The following GALNT9 variants were observed in gnomAD, a reference collection of about 807,000 sequenced individuals.
The protein encoded by GALNT9 is GalNAc transferase 9.
A neutral mutation model predicts 63.1 loss-of-function variants in GALNT9; 47 were observed. The observed-to-expected ratio is 0.75, with a 90% CI of 0.59 to 0.95. GALNT9 has a LOEUF of 0.95. Ranked by LOEUF, GALNT9 falls within the 40% of genes least tolerant of loss-of-function variation. The pLI is 0.00. For missense variants in GALNT9, 829 were observed against 874.8 expected (o/e 0.95, Z 0.66); for synonymous variants, 396 against 365.7 (o/e 1.08, Z -0.94).
Position 132,196,926 on chromosome 12 carries a change from T to G in GALNT9, c.*181A>C, listed in dbSNP as rs1220005428. On this transcript the variant is annotated 3_prime_UTR_variant, in exon 11 of 11. Coordinates refer to ENST00000328957, the MANE Select transcript of GALNT9 (RefSeq NM_001122636.2). The stretch of plus-strand genomic sequence containing the variant: ...CCGCCTGTCCTAGGAGAAGCTGTAC[T>G]CCAGATGCAGTGGGTGACACCCTGG... The G allele has an allele frequency of 4.9e-6, 7 of 1,436,496 alleles. No individual in the cohort carries two copies. In the Admixed American group the frequency reaches 1.7e-4, roughly 34 times the overall value. 89.0% of individuals were successfully genotyped at this position (1,436,496 alleles called of 1,614,324 possible).
In GALNT9 at chr12:132,204,328, G is replaced by A. The variant is rs998448678; in HGVS notation, c.1078-638C>T. The stretch of plus-strand genomic sequence containing the variant: ...CTCTTTCACTCCGGTTTGTCCCCCC[G>A]CGCTGTCCTGCCTGTGAGGGTTGGT... On this transcript the variant is annotated intron_variant, in intron 6 of 10. Coordinates refer to ENST00000328957, the MANE Select transcript of GALNT9 (RefSeq NM_001122636.2). Among the ~76,000 whole-genome samples, 23 of 152,198 alleles carry A rather than the reference G, an allele frequency of 1.5e-4. 1 individual carries two copies. The highest frequency in any genetic ancestry group is 4.8e-4 in the African/African-American group (20 of 41,516).
intron 6 of GALNT9, among the ~76,000 whole-genome samples, chr12:132,220,525 C>A (rs1037165832): frequency 2.6e-5 from 4 of 152,212 alleles, no homozygotes; most frequent in Non-Finnish European, 4.4e-5. Context: ...AAGATGCAGT[C>A]AGTAACTTGA....
intron 5 of GALNT9, among the ~76,000 whole-genome samples, chr12:132,255,404 T>G (rs1555238954): frequency 6.6e-6 from 1 of 152,246 alleles, no homozygotes; most frequent in Non-Finnish European, 1.5e-5. Flanking sequence ...AGACTTCCCT[T>G]TCTTTTGGAG....
chr12:132,251,920 G>A (rs892105260), intron 5 of GALNT9, among the ~76,000 whole-genome samples: 4 of 152,064 alleles, frequency 2.6e-5, no homozygotes, highest in Non-Finnish European at 5.9e-5. Context: ...TGAACCAGCA[G>A]CCCCGATGAG....
At chr12:132,278,971 A>G (rs1191389351) in intron 2 of GALNT9, 1 of 146,420 alleles carries the variant, frequency 6.8e-6, no homozygotes, top group Admixed American at 6.6e-5. Flanking sequence ...CTTCTGCCCC[A>G]TCACCCAGCC....
At chr12:132,210,319 C>T (rs1876898324) in intron 6 of GALNT9, among the ~76,000 whole-genome samples, 4 of 152,246 alleles carry the variant, frequency 2.6e-5, no homozygotes, top group East Asian at 1.9e-4. Context: ...GGCCTGCGGG[C>T]GAGGCCGTCC....
At chr12:132,240,714 G>A (rs1350707733) in intron 6 of GALNT9, 10 of 455,734 alleles carry the variant, frequency 2.2e-5, no homozygotes, top group African/African-American at 4.0e-5. Flanking sequence ...TATCTTGCTG[G>A]AACCCTTCTG....
chr12:132,252,165 C>T lies in GALNT9; in HGVS notation c.960-4138G>A, dbSNP rs112445777. On this transcript the variant is annotated intron_variant, in intron 5 of 10. Coordinates refer to ENST00000328957, the MANE Select transcript of GALNT9 (RefSeq NM_001122636.2). The surrounding 1 kb of genome is among the most constrained non-coding windows in gnomAD (Gnocchi z 5.2). The stretch of plus-strand genomic sequence containing the variant: ...CCTCCACAGGCCCAGGCAGTGAGGC[C>T]ACACTCCTGCCTAGGACTGTCCCAT... Among the ~76,000 whole-genome samples the T allele has an allele frequency of 5.1e-3, 782 of 152,288 alleles. 2 individuals carry two copies. The highest frequency in any genetic ancestry group is 0.017 in the African/African-American group (716 of 41,556).
chr12:132,210,891 G>C (rs1478451946), intron 6 of GALNT9, among the ~76,000 whole-genome samples: 1 of 151,488 alleles, frequency 6.6e-6, no homozygotes, highest in African/African-American at 2.4e-5. Context: ...CTGGGTGGTC[G>C]CTGTCTGGAG....
At chr12:132,228,532 C>A in intron 6 of GALNT9, among the ~76,000 whole-genome samples, 1 of 151,526 alleles carries the variant, frequency 6.6e-6, no homozygotes, top group South Asian at 2.1e-4. Context: ...ACCTCTTTGC[C>A]TCTGGCGAGA....
chr12:132,314,229 G>A (rs916334483), intron 1 of GALNT9, among the ~76,000 whole-genome samples: 5 of 100,296 alleles, frequency 5.0e-5, no homozygotes, highest in East Asian at 3.2e-4. Flanking sequence ...TCCACCCACC[G>A]ACCCATCCCT....
chr12:132,255,661 C>T (rs375953382), intron 5 of GALNT9, among the ~76,000 whole-genome samples: 4 of 152,338 alleles, frequency 2.6e-5, no homozygotes, highest in African/African-American at 7.2e-5. Context: ...TCTTTGAATC[C>T]GCCCATGGCC....
At position 132,286,245 on chromosome 12, in the gene GALNT9, C is replaced by T. The variant is rs1555242161; in HGVS notation, c.419+5G>A. 1.3e-6 allele frequency: 2 copies of T among 1,548,508 alleles called. No individual in the cohort carries two copies. The highest frequency in any genetic ancestry group is 2.4e-5 in the East Asian group (1 of 40,848). On this transcript the variant is annotated splice_donor_5th_base_variant and intron_variant, in intron 2 of 10. Transcript: ENST00000328957. This position sits in a 1 kb window ranked among gnomAD's most constrained non-coding sequence, Gnocchi z 7.4. ...TCGGGGGATGGGGGGCAGTCACTCA[C>T]TCACTTTCTGGGCCGGTAGTCGGGG... is the stretch of plus-strand genomic sequence containing the variant.
At chr12:132,253,894 C>T (rs1466050887) in intron 5 of GALNT9, among the ~76,000 whole-genome samples, 4 of 152,194 alleles carry the variant, frequency 2.6e-5, no homozygotes, top group Non-Finnish European at 2.9e-5. Context: ...CAGCTGCTCC[C>T]CTCTGCCCTG....
chr12:132,243,774 A>G (rs2136905926), intron 6 of GALNT9, among the ~76,000 whole-genome samples: 11 of 152,074 alleles, frequency 7.2e-5, no homozygotes, highest in Admixed American at 4.6e-4. Flanking sequence ...TTCTGTCCCT[A>G]TGAAGGCCCT....
intron 6 of GALNT9, among the ~76,000 whole-genome samples, chr12:132,222,621 G>C (rs946269305): frequency 1.0e-3 from 157 of 152,064 alleles, no homozygotes; most frequent in African/African-American, 3.6e-3. Context: ...ACGATGCGTG[G>C]AGCACTCAGG....
chr12:132,294,943 A>G (rs1566016325), intron 1 of GALNT9, among the ~76,000 whole-genome samples: 2 of 152,204 alleles, frequency 1.3e-5, no homozygotes, highest in Non-Finnish European at 2.9e-5. Context: ...AATTCCTTCC[A>G]AGAGGCAGGA....
rs1400635031 is a variant in GALNT9, at chr12:132,282,422, CGT to C, written c.419+3826_419+3827del. Among the ~76,000 whole-genome samples, 3 of 151,056 alleles carry C rather than the reference CGT, an allele frequency of 2.0e-5. No individual in the cohort carries two copies. The highest frequency in any genetic ancestry group is 2.0e-4 in the East Asian group (1 of 5,052). Reference sequence around the variant, plus strand: ...GTGTGCGCGTGTGTGCGTGTGTGTGCGTGTGTGCGTGCATGCGTGTGTGTGCG... The same window carrying C: ...GTGTGCGCGTGTGTGCGTGTGTGTGCGTGTGCGTGCATGCGTGTGTGTGCG... On this transcript the variant is annotated intron_variant, in intron 2 of 10. Transcript: ENST00000328957. This position sits in a 1 kb window ranked among gnomAD's most constrained non-coding sequence, Gnocchi z 4.5.
At chr12:132,295,069 A>T (rs574019697) in intron 1 of GALNT9, among the ~76,000 whole-genome samples, 1 of 152,346 alleles carries the variant, frequency 6.6e-6, no homozygotes, top group African/African-American at 2.4e-5. Flanking sequence ...GCACTGTGGG[A>T]TGGAGCCACC....
Sources: gnomAD v4.1 joint callset for allele counts (sites outside exome capture counted in the v4.1 genomes callset) on GRCh38, gnomAD v4.1.1 for gene constraint, Gnocchi (gnomAD v3.1) non-coding constraint, MANE v1.5 for transcripts, NCBI Gene and HGNC (gene_info 2026-07-23, HGNC 2026-07-21) for gene names.